The following AGMO variants were observed in gnomAD, a reference collection of about 807,000 sequenced individuals.
The protein encoded by AGMO is glyceryl-ether monooxygenase.
A neutral mutation model predicts 60.2 loss-of-function variants in AGMO; 75 were observed. That is an observed-to-expected ratio of 1.25 (90% confidence interval 1.03 to 1.51). The LOEUF (loss-of-function observed/expected upper bound fraction) is 1.51, where lower values mean the gene tolerates loss of function less well. AGMO is among the 40% of genes most tolerant of loss of function. The probability of loss-of-function intolerance (pLI) is 0.00; values close to 1 mark genes in which losing one functional copy is unlikely to be tolerated. For missense variants in AGMO, 763 were observed against 525.5 expected, an observed-to-expected ratio of 1.45 and a Z score of -4.42; for synonymous variants, 261 against 177.1, an observed-to-expected ratio of 1.47 and a Z score of -3.76.
chr7:15,190,442 T>A, the AGMO span, among the ~76,000 whole-genome samples: 2 of 151,814 alleles, frequency 1.3e-5, no homozygotes, highest in East Asian at 3.9e-4. Context: ...AACTTTGATT[T>A]CTCCATAGTG....
chr7:15,380,901 C>G (rs1583482298), intron 10 of AGMO, among the ~76,000 whole-genome samples: 1 of 151,952 alleles, frequency 6.6e-6, no homozygotes, highest in South Asian at 2.1e-4. Flanking sequence ...ATCTCATCTT[C>G]AACAAACCTG....
intron 12 of AGMO, among the ~76,000 whole-genome samples, chr7:15,311,173 G>T (rs1413256059): frequency 6.6e-6 from 1 of 151,884 alleles, no homozygotes; most frequent in Admixed American, 6.6e-5. Context: ...AACCAAAAAT[G>T]CTAGATTAAA....
chr7:15,156,615 C>T, the AGMO span, among the ~76,000 whole-genome samples: 1 of 152,214 alleles, frequency 6.6e-6, no homozygotes, highest in African/African-American at 2.4e-5. Context: ...GAGTAAGCCA[C>T]TCCACTTTTG....
At chr7:15,406,282 A>G (rs1784683907) in intron 5 of AGMO, among the ~76,000 whole-genome samples, 1 of 126,684 alleles carries the variant, frequency 7.9e-6, no homozygotes, top group African/African-American at 3.0e-5. Context: ...ACATGTACAC[A>G]TATGTGTGTA....
At chr7:15,310,123 A>T (rs752669218) in intron 12 of AGMO, among the ~76,000 whole-genome samples, 39 of 152,152 alleles carry the variant, frequency 2.6e-4, no homozygotes, top group Non-Finnish European at 5.6e-4. Context: ...GCAAACACAT[A>T]GCAGTGAGGC....
chr7:15,130,519 A>G, the AGMO span, among the ~76,000 whole-genome samples: 4 of 152,098 alleles, frequency 2.6e-5, no homozygotes, highest in African/African-American at 7.2e-5. Flanking sequence ...TTCTATTACG[A>G]TATTTCACAA....
chr7:15,182,734 C>G, the AGMO span, among the ~76,000 whole-genome samples: 15 of 152,134 alleles, frequency 9.9e-5, no homozygotes, highest in African/African-American at 3.1e-4. Context: ...TACACTTTGT[C>G]TTAATGGGTT....
chr7:15,391,505 A>T (rs1784136250), intron 6 of AGMO, among the ~76,000 whole-genome samples: 1 of 152,196 alleles, frequency 6.6e-6, no homozygotes, highest in Non-Finnish European at 1.5e-5. Flanking sequence ...TACATTTTTT[A>T]TAAAACTTAA....
At chr7:15,382,583 C>T (rs188976342) in intron 10 of AGMO, among the ~76,000 whole-genome samples, 132 of 152,224 alleles carry the variant, frequency 8.7e-4, no homozygotes, top group African/African-American at 2.8e-3. Context: ...ATTGAATTTG[C>T]TGCCTTTGGT....
chr7:15,141,964 C>T, the AGMO span, among the ~76,000 whole-genome samples: 1 of 152,126 alleles, frequency 6.6e-6, no homozygotes, highest in Non-Finnish European at 1.5e-5. Flanking sequence ...CTCTTCCTCC[C>T]AAAAGATGGG....
At chr7:15,323,484 G>C (rs1781245350) in intron 12 of AGMO, among the ~76,000 whole-genome samples, 1 of 152,082 alleles carries the variant, frequency 6.6e-6, no homozygotes, top group African/African-American at 2.4e-5. Flanking sequence ...ATATGGAGAT[G>C]GTAGGAGGGA....
chr7:15,231,098 A>G (rs925326375), intron 12 of AGMO, among the ~76,000 whole-genome samples: 2 of 152,174 alleles, frequency 1.3e-5, no homozygotes, highest in Admixed American at 6.5e-5. Context: ...TTTTCAATTT[A>G]GAGCTTCATC....
chr7:15,519,474 C>T (rs758425329), intron 3 of AGMO, among the ~76,000 whole-genome samples: 4 of 152,170 alleles, frequency 2.6e-5, no homozygotes, highest in Admixed American at 6.5e-5. Flanking sequence ...AGAAACCCTA[C>T]TAGCCAGAAG....
chr7:15,516,035 C>G (rs1004296311), intron 3 of AGMO, among the ~76,000 whole-genome samples: 3 of 151,996 alleles, frequency 2.0e-5, no homozygotes, highest in Non-Finnish European at 4.4e-5. Context: ...TACTTTACTA[C>G]AAAAATAATA....
chr7:15,450,740 G>A (rs769052035), intron 3 of AGMO, among the ~76,000 whole-genome samples: 1 of 152,080 alleles, frequency 6.6e-6, no homozygotes, highest in Non-Finnish European at 1.5e-5. Context: ...AGAAAAAAAT[G>A]CTCATGAATG....
At chr7:15,422,720 G>C (rs1019614749) in intron 4 of AGMO, among the ~76,000 whole-genome samples, 1 of 152,136 alleles carries the variant, frequency 6.6e-6, no homozygotes, top group Admixed American at 6.6e-5. Context: ...GCAGTATTTA[G>C]GGGTCAGGTG....
chr7:15,528,798 G>A (rs1047013507), intron 3 of AGMO, among the ~76,000 whole-genome samples: 6 of 151,970 alleles, frequency 3.9e-5, no homozygotes, highest in African/African-American at 1.2e-4. Context: ...ACAGGCATGC[G>A]CCACCACACC....
At chr7:15,354,443 C>CGTGTGTATAG (rs1563105608) in intron 12 of AGMO, among the ~76,000 whole-genome samples, 4 of 18,854 alleles carry the variant, frequency 2.1e-4, no homozygotes, top group African/African-American at 1.7e-3. Flanking sequence ...TGTGTATACA[C>CGTGTGTATAG]ACGTGTGTGT....
At chr7:15,254,764 AC>A (rs1314785020) in intron 12 of AGMO, among the ~76,000 whole-genome samples, 2 of 152,110 alleles carry the variant, frequency 1.3e-5, no homozygotes, top group Non-Finnish European at 2.9e-5. Context: ...GAAGACTCAA[AC>A]AAAATCAGAG....
Sources: allele counts gnomAD v4.1 joint callset (sites outside exome capture counted in the v4.1 genomes callset), GRCh38; gene constraint gnomAD v4.1.1; transcripts MANE v1.5; gene names NCBI Gene and HGNC (gene_info 2026-07-23, HGNC 2026-07-21).